The following PLG variants were observed in gnomAD, a reference collection of about 807,000 sequenced individuals.
The protein encoded by PLG is plasminogen.
PLG carries 41 observed loss-of-function variants against 104.4 expected under a neutral mutation model. The ratio of observed to expected loss-of-function variants is 0.39; its 90% CI spans 0.31 to 0.51. PLG has a LOEUF of 0.51. PLG is among the 20% of genes least tolerant of loss of function. The pLI is 0.76. For missense variants in PLG, 891 were observed against 1,003.6 expected, an observed-to-expected ratio of 0.89 and a Z score of 1.52; for synonymous variants, 337 against 357.1, an observed-to-expected ratio of 0.94 and a Z score of 0.63.
chr6:160,749,883 A>G (rs1778372566), intron 17 of PLG, among the ~76,000 whole-genome samples: 1 of 85,042 alleles, frequency 1.2e-5, no homozygotes, highest in South Asian at 4.5e-4. Context: ...AACCCTCATC[A>G]TCACCACCAT....
At chr6:160,705,866 A>G (rs4063609) in intron 1 of PLG, 1 of 155,854 alleles carries the variant, frequency 6.4e-6, no homozygotes, top group South Asian at 2.0e-4. Flanking sequence ...TGGCACAATC[A>G]ATAGCAAACA....
intron 2 of PLG, 60 bp from the exon 3 acceptor site, chr6:160,707,640 A>G (rs1227202267): frequency 6.8e-7 from 1 of 1,467,862 alleles, no homozygotes; most frequent in Admixed American, 1.7e-5. Context: ...CTTATTAATA[A>G]ACATTTGTTT....
rs370856655 is a variant in PLG at position 160,711,152 on chromosome 6, C to T, written c.368C>T (p.Thr123Ile). 3.4e-5 allele frequency: 55 copies of T among 1,612,208 alleles called. No individual in the cohort carries two copies. The highest frequency in any genetic ancestry group is 1.0e-4 in the Admixed American group (6 of 59,990). Residue 123 changes from threonine to isoleucine, a missense_variant, in exon 4 of 19, where the codon ACC (threonine) becomes ATC (isoleucine). This residue lies in a region of PLG where 854 missense variants were observed against 932.1 expected (regional missense o/e 0.92). Transcript: ENST00000308192. Reference protein sequence around the residue: ...GTMSKTKNGITCQKWSSTSPH... With the variant: ...GTMSKTKNGIICQKWSSTSPH... ...ATGTCCAAAACAAAAAATGGCATCA[C>T]CTGTCAAAAATGGAGTTCCACTTCT...
rs1158274374 is a variant in PLG, at chr6:160,733,866, A to G, written c.1588-129A>G. The G allele has an allele frequency of 1.5e-3, 756 of 492,452 alleles. 11 individuals carry two copies. The highest frequency in any genetic ancestry group is 8.1e-3 in the South Asian group (441 of 54,350). 30.5% of individuals were successfully genotyped at this position (492,452 alleles called of 1,614,324 possible). On this transcript the variant is annotated intron_variant, in intron 12 of 18. Transcript: ENST00000308192. ...CCTCAGAAAAAAAAAAAAAAAAAAA[A>G]AAGAAGGAAGGAAAAAGAAACACTC...
At chr6:160,706,340 G>A in intron 1 of PLG, 67 bp from the exon 2 acceptor site, 2 of 1,595,236 alleles carry the variant, frequency 1.3e-6, no homozygotes, top group Non-Finnish European at 1.7e-6. Context: ...TTAAAAGGAA[G>A]TCATGACAAT....
rs1777434792 is a variant in PLG, at chr6:160,702,420, G to A, written c.49+67G>A. 2.2e-6 allele frequency: 3 copies of A among 1,394,828 alleles called. No individual in the cohort carries two copies. In the South Asian group the frequency reaches 3.7e-5, roughly 17 times the overall value. 86.4% of individuals were successfully genotyped at this position (1,394,828 alleles called of 1,614,324 possible). On this transcript the variant is annotated intron_variant, in intron 1 of 18. Coordinates refer to ENST00000308192, the MANE Select transcript of PLG (RefSeq NM_000301.5). ...CCCACAATGTAGTAAAAATACATAT[G>A]CCATGGCTTTATGTGCAATTCATTT... is the stretch of plus-strand genomic sequence containing the variant.
chr6:160,737,720 G>C lies in PLG; in HGVS notation c.1802+713G>C, dbSNP rs971314402. On this transcript the variant is annotated intron_variant, in intron 14 of 18. Transcript: ENST00000308192. The surrounding 1 kb of genome is among the most constrained non-coding windows in gnomAD (Gnocchi z 4.7). The stretch of plus-strand genomic sequence containing the variant: ...ACGAGGGTGCCTGTGCTCAATTGCT[G>C]TTTTCCCCTAAAGAGACTCTTTTCC... Among the ~76,000 whole-genome samples the C allele has an allele frequency of 6.6e-6, 1 of 152,136 alleles. No homozygotes were observed. The highest frequency in any genetic ancestry group is 1.5e-5 in the Non-Finnish European group (1 of 68,044).
chr6:160,713,093 GAT>G lies in PLG; in HGVS notation c.518_519del (p.Tyr173Ter). The G allele has an allele frequency of 6.2e-7, 1 of 1,610,796 alleles. No homozygotes were observed. Among genetic ancestry groups the G allele is most frequent in the Non-Finnish European group, 8.5e-7 (1 of 1,178,738 alleles). ...TGCTATACTACTGATCCAGAAAAGA[GAT>G]ATGACTACTGCGACATTCTTGAGTG... On this transcript the variant is annotated frameshift_variant, in exon 5 of 19. Coordinates refer to ENST00000308192, the MANE Select transcript of PLG (RefSeq NM_000301.5). LOFTEE classifies it high-confidence loss of function.
At chr6:160,703,755 G>A (rs1777468082) in intron 1 of PLG, among the ~76,000 whole-genome samples, 1 of 152,194 alleles carries the variant, frequency 6.6e-6, no homozygotes, top group Non-Finnish European at 1.5e-5. Flanking sequence ...TGGAAACTAG[G>A]ACATAGATCA....
At position 160,737,035 on chromosome 6, in the gene PLG, A is replaced by G. The variant is rs529874013; in HGVS notation, c.1802+28A>G. Reference sequence around the variant, plus strand: ...AAGAACAGGCCCAGAAACGATTTATACTGTCCCTCCACGTAAGCCCTGCAA... The same window carrying G: ...AAGAACAGGCCCAGAAACGATTTATGCTGTCCCTCCACGTAAGCCCTGCAA... On this transcript the variant is annotated intron_variant, in intron 14 of 18. Coordinates refer to ENST00000308192, the MANE Select transcript of PLG (RefSeq NM_000301.5). The surrounding 1 kb of genome is among the most constrained non-coding windows in gnomAD (Gnocchi z 4.7). 5 of 1,611,344 alleles carry G rather than the reference A, an allele frequency of 3.1e-6. No individual in the cohort carries two copies. The highest frequency in any genetic ancestry group is 1.3e-5 in the African/African-American group (1 of 74,940).
In PLG at chr6:160,722,390, C is replaced by A. The variant is rs750126916; in HGVS notation, c.1097-18C>A. On this transcript the variant is annotated intron_variant, in intron 9 of 18. Transcript: ENST00000308192. ...TTTCAGTAATTGTTAAGCTTGATTT[C>A]TTTTATTTTAATTTCAGCACCACCT... is the stretch of plus-strand genomic sequence containing the variant. 8 of 1,599,296 alleles carry A rather than the reference C, an allele frequency of 5.0e-6. No homozygotes were observed. The highest frequency in any genetic ancestry group is 4.4e-5 in the South Asian group (4 of 90,780).
intron 17 of PLG, among the ~76,000 whole-genome samples, chr6:160,746,289 A>G (rs893804841): frequency 3.3e-5 from 5 of 152,200 alleles, no homozygotes; most frequent in African/African-American, 9.6e-5. Flanking sequence ...GCCTTTTTAC[A>G]TAATCCCATG....
intron 17 of PLG, among the ~76,000 whole-genome samples, chr6:160,748,378 AAG>A (rs1405091216): frequency 2.4e-5 from 1 of 41,734 alleles, no homozygotes; most frequent in African/African-American, 8.2e-5. Context: ...GAAAGAAAGA[AAG>A]AAAGAAAGAA....
chr6:160,748,401 G>GAAAGAAAGAAATAAAGA (rs1562383473), intron 17 of PLG, among the ~76,000 whole-genome samples: 1 of 71,040 alleles, frequency 1.4e-5, no homozygotes, highest in Non-Finnish European at 2.7e-5. Context: ...AGAAAGAAAG[G>GAAAGAAAGAAATAAAGA]AAGAAAGAAA....
intron 17 of PLG, among the ~76,000 whole-genome samples, chr6:160,750,239 ACTGAGCTGATC>A (rs1778380480): frequency 6.6e-6 from 1 of 152,224 alleles, no homozygotes; most frequent in South Asian, 2.1e-4. Flanking sequence ...ATCTGCAATC[ACTGAGCTGATC>A]CTGCTGCTGG....
intron 17 of PLG, among the ~76,000 whole-genome samples, chr6:160,751,274 A>G (rs1464973745): frequency 6.6e-6 from 1 of 152,238 alleles, no homozygotes; most frequent in Non-Finnish European, 1.5e-5. Context: ...GAGTGGGGCC[A>G]ACACGCATGG....
chr6:160,708,087 T>C (rs1667414096), intron 3 of PLG: 1 of 304,760 alleles, frequency 3.3e-6, no homozygotes, highest in Admixed American at 4.7e-5. Context: ...ATTTTTAAAA[T>C]ATTATTTTAT....
intron 1 of PLG, among the ~76,000 whole-genome samples, chr6:160,704,801 G>A (rs1777487237): frequency 1.3e-5 from 2 of 152,166 alleles, no homozygotes; most frequent in South Asian, 4.1e-4. Flanking sequence ...TGCATGAATC[G>A]ATGAGCATGC....
rs1777901863 is a variant in PLG at position 160,725,121 on chromosome 6, A to T, written c.1256+2554A>T. On this transcript the variant is annotated intron_variant, in intron 10 of 18. Transcript: ENST00000308192. This position sits in a 1 kb window ranked among gnomAD's most constrained non-coding sequence, Gnocchi z 6.3. ...TCCCAGCAACTCAGGAGGCTGAGGC[A>T]GGAGAATCACTTGAACCCAGGAGGT... Among the ~76,000 whole-genome samples, 1 of 152,132 alleles carries T rather than the reference A, an allele frequency of 6.6e-6. No homozygotes were observed. Among genetic ancestry groups the T allele is most frequent in the African/African-American group, 2.4e-5 (1 of 41,416 alleles).
Sources: gnomAD v4.1 joint callset for allele counts (sites outside exome capture counted in the v4.1 genomes callset) on GRCh38, gnomAD v4.1.1 for gene constraint, gnomAD v4.1.1 regional missense constraint, Gnocchi (gnomAD v3.1) non-coding constraint, MANE v1.5 for transcripts, NCBI Gene and HGNC (gene_info 2026-07-23, HGNC 2026-07-21) for gene names.